BYSL: variants seen among roughly 807,000 people sequenced by gnomAD.
BYSL encodes the protein bystin.
Under a neutral mutation model 45.4 loss-of-function variants are expected in BYSL, and 21 were observed. That is an observed-to-expected ratio of 0.46 (90% CI 0.33 to 0.67). The LOEUF is 0.67. BYSL is among the 30% of genes least tolerant of loss of function. The pLI, the probability that BYSL is intolerant of heterozygous loss-of-function variation, is 0.02. For synonymous variants in BYSL, 215 were observed against 231.3 expected, an observed-to-expected ratio of 0.93 and a Z score of 0.64; for missense variants, 522 against 578.5, an observed-to-expected ratio of 0.90 and a Z score of 1.00.
chr6:41,932,521 C>T lies in BYSL; in HGVS notation c.1129C>T (p.Leu377=). The T allele has an allele frequency of 6.2e-7, 1 of 1,614,212 alleles. No homozygotes were observed. Among genetic ancestry groups the T allele is most frequent in the Non-Finnish European group, 8.5e-7 (1 of 1,180,044 alleles). ...FRTEKRELPV[L]WHQCLLTLVQ... ...GACAGAGAAGCGTGAACTGCCTGTGCTGTGGCACCAGTGCCTCCTGACTTT... is the reference window on the plus strand; with the variant it reads ...GACAGAGAAGCGTGAACTGCCTGTGTTGTGGCACCAGTGCCTCCTGACTTT... Residue 377 remains leucine, a synonymous_variant, in exon 7 of 7, where the codon CTG becomes TTG. Coordinates refer to ENST00000230340, the MANE Select transcript of BYSL (RefSeq NM_004053.4). The surrounding 1 kb of genome is among the most constrained non-coding windows in gnomAD (Gnocchi z 4.7).
chr6:41,923,084 C>A (rs1357664375), intron 1 of BYSL, among the ~76,000 whole-genome samples: 1 of 152,162 alleles, frequency 6.6e-6, no homozygotes, highest in East Asian at 1.9e-4. Flanking sequence ...AGTCTCTCAC[C>A]TGGATTATCA....
In BYSL at chr6:41,921,835, G is replaced by A. The variant is rs1384199768; in HGVS notation, c.268+5G>A. On this transcript the variant is annotated splice_donor_5th_base_variant and intron_variant, in intron 1 of 6. Coordinates refer to ENST00000230340, the MANE Select transcript of BYSL (RefSeq NM_004053.4). ...GGGAACGCACCACGCGGCTGGGTGA[G>A]TGTCTGGGATGAGGTCCGAGGAAGA... 6.2e-7 allele frequency: 1 copy of A among 1,609,594 alleles called. No homozygotes were observed. Among genetic ancestry groups the A allele is most frequent in the Non-Finnish European group, 8.5e-7 (1 of 1,178,414 alleles).
chr6:41,921,487 A>T, upstream of BYSL: 1 of 1,484,374 alleles, frequency 6.7e-7, no homozygotes, highest in South Asian at 1.4e-5. Flanking sequence ...GGGCGCTGGG[A>T]GTCCACCGCG....
chr6:41,927,606 A>G (rs1220456573), intron 2 of BYSL, 70 bp downstream of exon 2: 1 of 1,575,026 alleles, frequency 6.3e-7, no homozygotes, highest in African/African-American at 1.4e-5. Context: ...TCCCTGGCAG[A>G]CTTATGATTC....
At chr6:41,930,551 T>G (rs370150530) in intron 3 of BYSL, 84 bp from the exon 4 acceptor site, 2 of 1,504,086 alleles carry the variant, frequency 1.3e-6, no homozygotes, top group South Asian at 1.3e-5. Context: ...GTTAATATAT[T>G]AAAAGCACCC....
chr6:41,927,487 G>A lies in BYSL; in HGVS notation c.382G>A (p.Glu128Lys), dbSNP rs771038247. The change falls in exon 2 of 7, where the codon GAG becomes AAG. Residue 128 changes from glutamate (E) to lysine (K), a missense_variant. Physicochemically the swap from Glu to Lys is moderately conservative, Grantham distance 56. Transcript: ENST00000230340. ...TCATGCAGAGGTGGTTGTGGACCCT[G>A]AGGATGAGCGTGCCATAGAGATGTT... ...GHHAEVVVDP[E>K]DERAIEMFMN... is the part of the protein sequence containing the mutation. 4.3e-6 allele frequency: 7 copies of A among 1,614,018 alleles called. No homozygotes were observed. In the African/African-American group the frequency reaches 9.3e-5, roughly 22 times the overall value.
Position 41,932,465 on chromosome 6 carries a change from A to G in BYSL, c.1073A>G (p.Asp358Gly). 6.2e-7 allele frequency: 1 copy of G among 1,614,166 alleles called. No homozygotes were observed. The highest frequency in any genetic ancestry group is 8.5e-7 in the Non-Finnish European group (1 of 1,180,034). Residue 358 changes from aspartate (D) to glycine (G), a missense_variant, in exon 7 of 7, where the codon GAT becomes GGT. By Grantham distance (94) the Asp-to-Gly change is moderately conservative. Coordinates refer to ENST00000230340, the MANE Select transcript of BYSL (RefSeq NM_004053.4). This position sits in a 1 kb window ranked among gnomAD's most constrained non-coding sequence, Gnocchi z 4.7. ...TATGCACTGCCTTACCGGGTGCTGG[A>G]TGCCCTAGTCTTCCACTTCCTGGGG... ...KKYALPYRVL[D>G]ALVFHFLGFR... is the part of the protein sequence containing the mutation.
the BYSL span, among the ~76,000 whole-genome samples, chr6:41,914,423 A>C: frequency 1.3e-5 from 2 of 152,216 alleles, no homozygotes; most frequent in African/African-American, 4.8e-5. Context: ...ATCTAAGGGA[A>C]ACAGGTACAT....
At chr6:41,924,805 A>G (rs946504656) in intron 1 of BYSL, among the ~76,000 whole-genome samples, 1 of 152,238 alleles carries the variant, frequency 6.6e-6, no homozygotes, top group African/African-American at 2.4e-5. Flanking sequence ...AGAAACATAG[A>G]GACCAGTGGG....
the BYSL span, chr6:41,909,265 T>G: frequency 6.2e-7 from 1 of 1,612,942 alleles, no homozygotes; most frequent in African/African-American, 1.3e-5. Context: ...CACCAAGGTC[T>G]TACCTCCACA....
Position 41,930,690 on chromosome 6 carries a change from C to T in BYSL, c.626C>T (p.Ala209Val). 1.2e-6 allele frequency: 2 copies of T among 1,614,154 alleles called. No individual in the cohort carries two copies. The highest frequency in any genetic ancestry group is 1.7e-6 in the Non-Finnish European group (2 of 1,179,990). ...KLPKAFKIIP[A>V]LSNWEQILYV... is the part of the protein sequence containing the mutation. Reference sequence around the variant, plus strand: ...CCCAAGGCATTTAAGATCATCCCTGCACTCTCCAACTGGGAGCAAATCCTC... The same window carrying T: ...CCCAAGGCATTTAAGATCATCCCTGTACTCTCCAACTGGGAGCAAATCCTC... The change falls in exon 4 of 7, where the codon GCA becomes GTA. Residue 209 changes from alanine to valine, a missense_variant. Transcript: ENST00000230340.
At chr6:41,917,932 G>C (rs779249746), upstream of BYSL, 3 of 308,294 alleles carry the variant, frequency 9.7e-6, no homozygotes, top group South Asian at 5.0e-5. Context: ...AACAAAAAAA[G>C]AAAAGCAGTC....
At position 41,931,536 on chromosome 6, in the gene BYSL, A is replaced by G. The variant is rs760516595; in HGVS notation, c.845A>G (p.Lys282Arg). ...LYMALKKALFKPGAWFKGILI... is the reference protein window; with the variant it reads ...LYMALKKALFRPGAWFKGILI... ...ATGGCTCTCAAGAAGGCCCTTTTCA[A>G]ACCTGGAGCCTGGTTCAAAGGTGGG... Residue 282 changes from lysine (K) to arginine (R), a missense_variant, in exon 5 of 7, where the codon AAA (lysine) becomes AGA (arginine). Transcript: ENST00000230340. 5.6e-6 allele frequency: 9 copies of G among 1,614,078 alleles called. No individual in the cohort carries two copies. The Middle Eastern group carries it at 9.9e-4, about 177-fold the overall frequency.
chr6:41,910,561 G>A, the BYSL span, among the ~76,000 whole-genome samples: 2 of 151,740 alleles, frequency 1.3e-5, no homozygotes, highest in Admixed American at 6.6e-5. Flanking sequence ...GAACCCAGGA[G>A]GCAGAGGTTG....
At chr6:41,913,107 CAAAA>C in the BYSL span, 4 of 83,432 alleles carry the variant, frequency 4.8e-5, no homozygotes, top group Non-Finnish European at 7.5e-5. Flanking sequence ...GACCCTGTCT[CAAAA>C]AAAAAAAAAA....
chr6:41,921,092 T>C (rs1436843149), upstream of BYSL: 5 of 1,582,174 alleles, frequency 3.2e-6, no homozygotes, highest in East Asian at 4.6e-5. Context: ...AGAAACTCCT[T>C]CAGTTCCCCA....
At chr6:41,915,716 G>C in the BYSL span, among the ~76,000 whole-genome samples, 8 of 151,816 alleles carry the variant, frequency 5.3e-5, no homozygotes, top group African/African-American at 1.9e-4. Flanking sequence ...GAACCCTGGA[G>C]GCGGAGCTTG....
chr6:41,927,619 T>A, intron 2 of BYSL, 83 bp downstream of exon 2: 1 of 1,544,986 alleles, frequency 6.5e-7, no homozygotes, highest in Admixed American at 1.8e-5. Context: ...TATGATTCCC[T>A]ACCTTTGGAA....
At chr6:41,919,488 T>C (rs1182465894), upstream of BYSL, among the ~76,000 whole-genome samples, 1 of 152,184 alleles carries the variant, frequency 6.6e-6, no homozygotes, top group East Asian at 1.9e-4. Context: ...AAAAAAACAC[T>C]GATAAACGAT....
Sources: allele counts gnomAD v4.1 joint callset (sites outside exome capture counted in the v4.1 genomes callset), GRCh38; gene constraint gnomAD v4.1.1; non-coding constraint Gnocchi (gnomAD v3.1); transcripts MANE v1.5; gene names NCBI Gene and HGNC (gene_info 2026-07-23, HGNC 2026-07-21).